The following WDPCP variants were observed in gnomAD, a reference collection of about 807,000 sequenced individuals.
WDPCP encodes WD repeat-containing and planar cell polarity effector protein fritz homolog.
WDPCP carries 71 observed loss-of-function variants against 93.1 expected under a neutral mutation model. The observed-to-expected ratio is 0.76, with a 90% CI of 0.63 to 0.93. WDPCP has a LOEUF of 0.93. WDPCP is among the 40% of genes least tolerant of loss of function. The probability of loss-of-function intolerance (pLI) is 0.00; values close to 1 mark genes in which losing one functional copy is unlikely to be tolerated. For synonymous variants in WDPCP, 315 were observed against 315.0 expected (o/e 1.00, Z 0.00); for missense variants, 844 against 887.4 (o/e 0.95, Z 0.62).
At chr2:63,320,876 T>C (rs1341810993) in intron 12 of WDPCP, among the ~76,000 whole-genome samples, 1 of 152,100 alleles carries the variant, frequency 6.6e-6, no homozygotes, top group African/African-American at 2.4e-5. Context: ...AACATTTCAA[T>C]TAAAAGACAA....
At chr2:63,170,494 A>G (rs1169911136) in intron 15 of WDPCP, among the ~76,000 whole-genome samples, 3 of 151,682 alleles carry the variant, frequency 2.0e-5, no homozygotes, top group Non-Finnish European at 4.4e-5. Flanking sequence ...GCTGGTCTTG[A>G]ACTCCTGACC....
intron 1 of WDPCP, among the ~76,000 whole-genome samples, chr2:63,558,261 G>A (rs536333076): frequency 6.6e-6 from 1 of 152,208 alleles, no homozygotes; most frequent in Non-Finnish European, 1.5e-5. Flanking sequence ...CAGGCGTGGT[G>A]GCTCACGTCT....
chr2:63,752,128 C>T (rs980286837), intron 2 of WDPCP: 36 of 609,810 alleles, frequency 5.9e-5, no homozygotes, highest in Admixed American at 2.7e-4. Flanking sequence ...GCCATTCACA[C>T]GACGGTATTT....
chr2:63,605,718 T>G, intron 3 of WDPCP: 1 of 598,220 alleles, frequency 1.7e-6, no homozygotes, highest in Non-Finnish European at 3.0e-6. Context: ...AAATGAGGAT[T>G]AGGTTTCCCT....
At chr2:63,809,999 A>G (rs1670837880) in intron 2 of WDPCP, among the ~76,000 whole-genome samples, 1 of 152,204 alleles carries the variant, frequency 6.6e-6, no homozygotes, top group Non-Finnish European at 1.5e-5. Flanking sequence ...TTTTCATTGT[A>G]TACCTTATTT....
upstream of WDPCP, chr2:63,588,569 T>C (rs965780037): frequency 5.4e-6 from 3 of 552,260 alleles, no homozygotes; most frequent in South Asian, 6.1e-5. Context: ...TCTCTTTACC[T>C]CCCACGTTTA....
chr2:63,616,397 G>T (rs74782038), intron 3 of WDPCP, among the ~76,000 whole-genome samples: 1 of 152,160 alleles, frequency 6.6e-6, no homozygotes, highest in Non-Finnish European at 1.5e-5. Flanking sequence ...GGAGGGTAAA[G>T]GGGCTGAAAA....
At chr2:63,617,372 G>A (rs1156295398) in intron 3 of WDPCP, among the ~76,000 whole-genome samples, 2 of 152,178 alleles carry the variant, frequency 1.3e-5, no homozygotes, top group African/African-American at 2.4e-5. Flanking sequence ...ACGTGTTTGA[G>A]AGGGAAAAAT....
chr2:63,391,538 G>C (rs924939381), intron 10 of WDPCP, among the ~76,000 whole-genome samples: 5 of 152,132 alleles, frequency 3.3e-5, no homozygotes, highest in African/African-American at 1.2e-4. Context: ...GTTCTGGCTA[G>C]GGCAATCAGG....
chr2:63,657,613 A>G (rs1180512392), intron 2 of WDPCP, among the ~76,000 whole-genome samples: 1 of 152,182 alleles, frequency 6.6e-6, no homozygotes, highest in Non-Finnish European at 1.5e-5. Flanking sequence ...AGAAATGATG[A>G]CAGACTAGAA....
intron 6 of WDPCP, among the ~76,000 whole-genome samples, chr2:63,448,992 A>G (rs1363746324): frequency 6.6e-6 from 1 of 152,182 alleles, no homozygotes; most frequent in Non-Finnish European, 1.5e-5. Flanking sequence ...AAATGGCTAA[A>G]GTATCAGATT....
intron 1 of WDPCP, among the ~76,000 whole-genome samples, chr2:63,500,454 G>GT (rs1553412903): frequency 0.14 from 21,065 of 149,510 alleles, 1,601 homozygotes; most frequent in Middle Eastern, 0.26. Flanking sequence ...ATGGTGTGGG[G>GT]GTGTGTGTGT....
intron 14 of WDPCP, among the ~76,000 whole-genome samples, chr2:63,230,355 T>C (rs1392360695): frequency 6.6e-6 from 1 of 152,112 alleles, no homozygotes; most frequent in Non-Finnish European, 1.5e-5. Context: ...TTTGGGTTGG[T>C]TCCAAGTCTT....
intron 2 of WDPCP, among the ~76,000 whole-genome samples, chr2:63,724,888 G>T (rs971327097): frequency 1.3e-5 from 2 of 152,214 alleles, no homozygotes; most frequent in Non-Finnish European, 2.9e-5. Flanking sequence ...TGTTTGTACA[G>T]AGGGGCAACT....
intron 14 of WDPCP, among the ~76,000 whole-genome samples, chr2:63,236,983 G>A (rs79559226): frequency 0.045 from 6,907 of 151,954 alleles, 235 homozygotes; most frequent in Non-Finnish European, 0.072. Context: ...ATGAAATATC[G>A]GGACCTGCTT....
chr2:63,812,007 G>T (rs1177892091), intron 2 of WDPCP, among the ~76,000 whole-genome samples: 1 of 152,140 alleles, frequency 6.6e-6, no homozygotes, highest in African/African-American at 2.4e-5. Flanking sequence ...TGGAACTACA[G>T]GCGTATACCA....
At chr2:63,403,631 T>C (rs1311361766) in intron 10 of WDPCP, 1 of 157,988 alleles carries the variant, frequency 6.3e-6, no homozygotes, top group East Asian at 1.8e-4. Flanking sequence ...ACAATTCCAG[T>C]CTGGGAAGCA....
intron 17 of WDPCP, among the ~76,000 whole-genome samples, chr2:63,145,407 A>G (rs1671422536): frequency 6.6e-6 from 1 of 150,762 alleles, no homozygotes; most frequent in Non-Finnish European, 1.5e-5. Context: ...CTGAGCTCAG[A>G]CTCTCCTTGG....
intron 1 of WDPCP, among the ~76,000 whole-genome samples, chr2:63,520,652 G>A (rs1162796488): frequency 6.6e-6 from 1 of 152,110 alleles, no homozygotes; most frequent in Non-Finnish European, 1.5e-5. Flanking sequence ...AGCACTCTGG[G>A]AGGCCAAGAT....
Sources: gnomAD v4.1 joint callset for allele counts (sites outside exome capture counted in the v4.1 genomes callset) on GRCh38, gnomAD v4.1.1 for gene constraint, MANE v1.5 for transcripts, NCBI Gene and HGNC (gene_info 2026-07-23, HGNC 2026-07-21) for gene names.